Variants in NTM observed in about 807,000 individuals in gnomAD.
NTM encodes the protein neurotrimin, also known as IgLON family member 2.
In NTM, 13 loss-of-function variants were observed where a neutral mutation model predicts 42.1. That is an observed-to-expected ratio of 0.31 (90% CI 0.20 to 0.49). The LOEUF (loss-of-function observed/expected upper bound fraction) is 0.49, where lower values mean the gene tolerates loss of function less well. Among genes scored for constraint, NTM ranks in the 20% least tolerant of loss-of-function variants. The pLI is 0.99. For synonymous variants in NTM, 187 were observed against 179.2 expected (o/e 1.04, Z -0.35); for missense variants, 373 against 452.8 (o/e 0.82, Z 1.60).
chr11:131,997,815 G>A (rs1399556812), intron 2 of NTM, among the ~76,000 whole-genome samples: 3 of 152,104 alleles, frequency 2.0e-5, no homozygotes, highest in Non-Finnish European at 1.5e-5. Flanking sequence ...TGTTAGCTAT[G>A]AGGCTGCCTG....
intron 1 of NTM, among the ~76,000 whole-genome samples, chr11:131,826,623 T>A (rs918748348): frequency 1.3e-5 from 2 of 148,258 alleles, no homozygotes; most frequent in Admixed American, 1.3e-4. Flanking sequence ...GAAAAAAGAA[T>A]GGAGGAAAGA....
Position 132,138,632 on chromosome 11 carries a change from CGA to C in NTM, c.168-7645_168-7644del, listed in dbSNP as rs552709708. On this transcript the variant is annotated intron_variant, in intron 2 of 8. Coordinates refer to ENST00000683400, the MANE Select transcript of NTM (RefSeq NM_001352005.2). ...TATCTATCTATCTATTCTAATCTATCGAGAGACTTATAAGAATTGGCTCATGT... is the reference window on the plus strand; with the variant it reads ...TATCTATCTATCTATTCTAATCTATCGAGACTTATAAGAATTGGCTCATGT... Among the ~76,000 whole-genome samples the C allele has an allele frequency of 2.3e-3, 224 of 95,774 alleles. 1 individual carries two copies. Among genetic ancestry groups the C allele is most frequent in the African/African-American group, 7.5e-3 (198 of 26,478 alleles). The allele number at this position is 95,774 out of a possible 152,430, so 62.8% of individuals were successfully genotyped here. A position where few individuals can be genotyped will look rare whatever the true frequency, so the allele number is the denominator to read the frequency against.
rs377027261 is a variant in NTM at position 131,981,001 on chromosome 11, GGTGT to G, written c.167+69358_167+69361del. The stretch of plus-strand genomic sequence containing the variant: ...ATAGTTCTGCAGTTGGGACCTGTGG[GGTGT>G]GTGTATGTGTGTTTATAATAAGTTT... On this transcript the variant is annotated intron_variant, in intron 2 of 8. Transcript: ENST00000683400. 73 of 152,268 alleles carry G rather than the reference GGTGT, an allele frequency of 4.8e-4. 2 individuals are homozygous for G. Among genetic ancestry groups the G allele is most frequent in the African/African-American group, 1.7e-3 (70 of 41,552 alleles). The allele number at this position is 152,268 out of a possible 1,614,324, so 9.4% of individuals were successfully genotyped here.
Position 131,692,596 on chromosome 11 carries a change from C to T in NTM, c.83-218968C>T, listed in dbSNP as rs78307398. On this transcript the variant is annotated intron_variant, in intron 1 of 8. Coordinates refer to ENST00000683400, the MANE Select transcript of NTM (RefSeq NM_001352005.2). Reference sequence around the variant, plus strand: ...GAGAGTAGACAGAGGAAAGAGAGAGCGTTTCCATTTTGGCATCTGGGCCAA... The same window carrying T: ...GAGAGTAGACAGAGGAAAGAGAGAGTGTTTCCATTTTGGCATCTGGGCCAA... Among the ~76,000 whole-genome samples the T allele has an allele frequency of 8.0e-3, 1,211 of 152,290 alleles. 20 individuals are homozygous for T. The highest frequency in any genetic ancestry group is 0.028 in the African/African-American group (1,143 of 41,556).
intron 1 of NTM, chr11:131,546,512 G>C (rs901041885): frequency 1.2e-4 from 18 of 152,188 alleles, no homozygotes; most frequent in African/African-American, 4.1e-4. Context: ...AGTCAACTAT[G>C]TCATGTTCTG....
chr11:132,317,873 C>A (rs1317481635), intron 7 of NTM, among the ~76,000 whole-genome samples: 1 of 152,122 alleles, frequency 6.6e-6, no homozygotes, highest in Non-Finnish European at 1.5e-5. Flanking sequence ...TTTGCTCATC[C>A]CTTGCTCTCA....
chr11:131,861,077 C>G (rs1313076242), intron 1 of NTM, among the ~76,000 whole-genome samples: 2 of 152,094 alleles, frequency 1.3e-5, no homozygotes, highest in Admixed American at 1.3e-4. Flanking sequence ...CTGGCTTTCC[C>G]ATGGGTATCC....
intron 1 of NTM, among the ~76,000 whole-genome samples, chr11:131,659,526 C>A (rs1466835845): frequency 2.0e-5 from 3 of 152,174 alleles, no homozygotes; most frequent in Non-Finnish European, 4.4e-5. Context: ...GTGATAATAC[C>A]AACTCAATTG....
At chr11:131,443,700 C>T (rs1001656715) in intron 1 of NTM, among the ~76,000 whole-genome samples, 1 of 152,164 alleles carries the variant, frequency 6.6e-6, no homozygotes, top group Non-Finnish European at 1.5e-5. Context: ...GCTATGGGAA[C>T]TCACTTCCAA....
At chr11:131,781,427 C>T (rs1414401896) in intron 1 of NTM, among the ~76,000 whole-genome samples, 1 of 150,894 alleles carries the variant, frequency 6.6e-6, no homozygotes, top group East Asian at 1.9e-4. Context: ...AGATAGAAAA[C>T]ATTCAGGAAA....
At chr11:131,704,598 C>T (rs998318940) in intron 1 of NTM, among the ~76,000 whole-genome samples, 2 of 151,978 alleles carry the variant, frequency 1.3e-5, no homozygotes, top group Non-Finnish European at 2.9e-5. Context: ...TATGACATGA[C>T]CAAAGGAACA....
At chr11:132,313,741 A>G (rs887260053) in intron 6 of NTM, among the ~76,000 whole-genome samples, 1 of 152,128 alleles carries the variant, frequency 6.6e-6, no homozygotes, top group African/African-American at 2.4e-5. Flanking sequence ...AATAGAATCC[A>G]TGGTTCTAAT....
At chr11:132,103,551 C>T (rs899744357) in intron 2 of NTM, among the ~76,000 whole-genome samples, 2 of 152,256 alleles carry the variant, frequency 1.3e-5, no homozygotes, top group Admixed American at 1.3e-4. Flanking sequence ...TATATTGTTA[C>T]GTTGTTGCTA....
Position 131,950,195 on chromosome 11 carries a change from A to G in NTM, c.167+38547A>G, listed in dbSNP as rs528021686. ...TTGCCCTAGAGGCCTCCTGTTTTTCATTTTTCCTTTGCCCTGCAATGTATG... is the reference window on the plus strand; with the variant it reads ...TTGCCCTAGAGGCCTCCTGTTTTTCGTTTTTCCTTTGCCCTGCAATGTATG... On this transcript the variant is annotated intron_variant, in intron 2 of 8. Transcript: ENST00000683400. Among the ~76,000 whole-genome samples, 14 of 151,836 alleles carry G rather than the reference A, an allele frequency of 9.2e-5. No homozygotes were observed. In the East Asian group the frequency reaches 1.7e-3, roughly 19 times the overall value.
chr11:131,907,904 T>C (rs2137851931), intron 1 of NTM, among the ~76,000 whole-genome samples: 1 of 152,368 alleles, frequency 6.6e-6, no homozygotes, highest in East Asian at 1.9e-4. Flanking sequence ...CATATGATTT[T>C]GATCTTCATC....
chr11:131,891,780 C>T (rs1451913781), intron 1 of NTM, among the ~76,000 whole-genome samples: 1 of 152,170 alleles, frequency 6.6e-6, no homozygotes, highest in Admixed American at 6.5e-5. Flanking sequence ...TGTTACATTG[C>T]TCAGACATTT....
chr11:132,290,549 A>G (rs927565075), intron 4 of NTM, among the ~76,000 whole-genome samples: 1 of 152,188 alleles, frequency 6.6e-6, no homozygotes, highest in Non-Finnish European at 1.5e-5. Flanking sequence ...GACCTAGTAA[A>G]TTATAAATTT....
At chr11:132,096,626 T>C (rs1322786209) in intron 2 of NTM, among the ~76,000 whole-genome samples, 1 of 152,142 alleles carries the variant, frequency 6.6e-6, no homozygotes, top group Non-Finnish European at 1.5e-5. Context: ...GACCCACCAC[T>C]CTGGAGCAAT....
chr11:131,921,880 AC>A (rs1420985226), intron 2 of NTM, among the ~76,000 whole-genome samples: 1 of 151,746 alleles, frequency 6.6e-6, no homozygotes, highest in Non-Finnish European at 1.5e-5. Flanking sequence ...GAAGTCACAG[AC>A]CCCCAACCCC....
Sources: allele counts gnomAD v4.1 joint callset (sites outside exome capture counted in the v4.1 genomes callset), GRCh38; gene constraint gnomAD v4.1.1; transcripts MANE v1.5; gene names NCBI Gene and HGNC (gene_info 2026-07-23, HGNC 2026-07-21).